Variants in CADPS observed in about 807,000 individuals in gnomAD.
The protein encoded by CADPS is calcium-dependent secretion activator 1.
Under a neutral mutation model 167.3 loss-of-function variants are expected in CADPS, and 57 were observed. That is an observed-to-expected ratio of 0.34 (90% CI 0.28 to 0.42). CADPS has a LOEUF of 0.42. Among genes scored for constraint, CADPS ranks in the 20% least tolerant of loss-of-function variants. The probability of loss-of-function intolerance (pLI) is 1.00; values close to 1 mark genes in which losing one functional copy is unlikely to be tolerated. For missense variants in CADPS, 1,414 were observed against 1,738.1 expected (o/e 0.81, Z 3.32); for synonymous variants, 676 against 635.3 (o/e 1.06, Z -0.96).
chr3:62,549,219 T>G (rs1211187398), intron 11 of CADPS, among the ~76,000 whole-genome samples: 1 of 152,224 alleles, frequency 6.6e-6, no homozygotes, highest in East Asian at 1.9e-4. Context: ...TTAATAAATA[T>G]TTCCAAACAT....
chr3:62,650,999 T>C lies in CADPS; in HGVS notation c.1051A>G (p.Met351Val). Residue 351 changes from methionine to valine, a missense_variant, in exon 5 of 30, where the codon ATG becomes GTG. Transcript: ENST00000383710. ...ACCGGCATGCTCTCCAAGTTGGCCA[T>C]GAGCAGGTTGACAGATGACTTCAGC... is the stretch of plus-strand genomic sequence containing the variant. The part of the protein sequence containing the change: ...EELKSSVNLL[M>V]ANLESMPVSK... 2 of 1,614,156 alleles carry C rather than the reference T, an allele frequency of 1.2e-6. No homozygotes were observed. Among genetic ancestry groups the C allele is most frequent in the South Asian group, 1.1e-5 (1 of 91,086 alleles).
chr3:62,688,774 G>T (rs1200395630), intron 3 of CADPS, among the ~76,000 whole-genome samples: 1 of 152,044 alleles, frequency 6.6e-6, no homozygotes, highest in Non-Finnish European at 1.5e-5. Flanking sequence ...GACACTCAGT[G>T]TCACCTTGCT....
At chr3:62,590,685 T>C (rs1286670357) in intron 7 of CADPS, among the ~76,000 whole-genome samples, 1 of 152,122 alleles carries the variant, frequency 6.6e-6, no homozygotes, top group African/African-American at 2.4e-5. Context: ...GAATTCTTGC[T>C]GGCATCGTTA....
intron 6 of CADPS, among the ~76,000 whole-genome samples, chr3:62,614,883 C>T (rs774638056): frequency 1.3e-5 from 2 of 152,120 alleles, no homozygotes; most frequent in Admixed American, 6.5e-5. Flanking sequence ...CCTCTCTTTT[C>T]TTGTCTGTAA....
At chr3:62,459,308 C>G (rs1245449802) in intron 26 of CADPS, among the ~76,000 whole-genome samples, 3 of 152,206 alleles carry the variant, frequency 2.0e-5, no homozygotes, top group East Asian at 1.9e-4. Flanking sequence ...TCTGTGACCT[C>G]GCTTAACTTC....
chr3:62,402,173 G>C lies in CADPS; in HGVS notation c.3882+908C>G, dbSNP rs368542575. On this transcript the variant is annotated intron_variant, in intron 29 of 29. Transcript: ENST00000383710. Reference sequence around the variant, plus strand: ...ACACACAACGGAACAGCAGTTGGTTGTAAGTCAGCACTGGGGTAAAGTGAA... The same window carrying C: ...ACACACAACGGAACAGCAGTTGGTTCTAAGTCAGCACTGGGGTAAAGTGAA... Among the ~76,000 whole-genome samples the C allele has an allele frequency of 6.9e-4, 91 of 132,362 alleles. 1 individual carries two copies. In the East Asian group the frequency reaches 0.021, roughly 31 times the overall value. The allele number at this position is 132,362 out of a possible 152,430, so 86.8% of individuals were successfully genotyped here. A position where few individuals can be genotyped will look rare whatever the true frequency, so the allele number is the denominator to read the frequency against.
At chr3:62,665,643 G>C (rs1278421466) in intron 3 of CADPS, among the ~76,000 whole-genome samples, 1 of 152,152 alleles carries the variant, frequency 6.6e-6, no homozygotes, top group Non-Finnish European at 1.5e-5. Context: ...GCCACCACTG[G>C]GGACAGAGAA....
intron 6 of CADPS, among the ~76,000 whole-genome samples, chr3:62,615,059 G>A (rs1463778228): frequency 6.6e-6 from 1 of 152,194 alleles, no homozygotes; most frequent in Admixed American, 6.5e-5. Context: ...ACCTCAGAGT[G>A]AGGAGAGGCT....
chr3:62,604,512 G>A (rs556590802), intron 6 of CADPS, among the ~76,000 whole-genome samples: 57 of 152,306 alleles, frequency 3.7e-4, no homozygotes, highest in African/African-American at 1.1e-3. Context: ...TTCATTGAAG[G>A]TTGACTCATA....
intron 1 of CADPS, among the ~76,000 whole-genome samples, chr3:62,867,098 T>C (rs552372469): frequency 6.6e-6 from 1 of 152,190 alleles, no homozygotes; most frequent in South Asian, 2.1e-4. Flanking sequence ...ATTTTATGAG[T>C]TCATTTTTAA....
At chr3:62,427,408 A>G (rs1004153772) in intron 28 of CADPS, among the ~76,000 whole-genome samples, 1 of 152,164 alleles carries the variant, frequency 6.6e-6, no homozygotes, top group African/African-American at 2.4e-5. Flanking sequence ...TCCATTCACT[A>G]AAGACAAATG....
At chr3:62,472,889 C>A (rs140186352) in intron 24 of CADPS, among the ~76,000 whole-genome samples, 2 of 152,228 alleles carry the variant, frequency 1.3e-5, no homozygotes, top group East Asian at 3.9e-4. Flanking sequence ...GGTTTACATA[C>A]TGAGTATCCA....
chr3:62,605,496 T>A (rs2060577268), intron 6 of CADPS, among the ~76,000 whole-genome samples: 1 of 152,212 alleles, frequency 6.6e-6, no homozygotes, highest in African/African-American at 2.4e-5. Flanking sequence ...CTTATAGGGT[T>A]TCTAATCTGC....
intron 3 of CADPS, among the ~76,000 whole-genome samples, chr3:62,698,448 C>T (rs1289524251): frequency 1.3e-5 from 2 of 152,060 alleles, no homozygotes; most frequent in Non-Finnish European, 2.9e-5. Flanking sequence ...GTAGGCAACA[C>T]TTTACACTTA....
intron 1 of CADPS, among the ~76,000 whole-genome samples, chr3:62,783,950 A>C (rs1447393440): frequency 6.6e-6 from 1 of 152,250 alleles, no homozygotes; most frequent in African/African-American, 2.4e-5. Context: ...AATGGAAAAC[A>C]AAGCAAAGCT....
At chr3:62,557,038 C>G (rs1321419289) in intron 10 of CADPS, among the ~76,000 whole-genome samples, 1 of 150,798 alleles carries the variant, frequency 6.6e-6, no homozygotes, top group Non-Finnish European at 1.5e-5. Context: ...CACACACACA[C>G]ACACACACAC....
At chr3:62,477,129 T>C (rs2061421395) in intron 23 of CADPS, among the ~76,000 whole-genome samples, 1 of 152,206 alleles carries the variant, frequency 6.6e-6, no homozygotes, top group Non-Finnish European at 1.5e-5. Context: ...TGAGATTGCA[T>C]TGTTCTTTTG....
intron 1 of CADPS, among the ~76,000 whole-genome samples, chr3:62,807,590 C>T (rs1442840763): frequency 6.6e-6 from 1 of 151,966 alleles, no homozygotes; most frequent in Admixed American, 6.6e-5. Flanking sequence ...TTCTATCCAA[C>T]ACGATAAACT....
intron 1 of CADPS, among the ~76,000 whole-genome samples, chr3:62,826,577 T>G (rs990567672): frequency 2.0e-5 from 3 of 152,174 alleles, no homozygotes; most frequent in African/African-American, 7.2e-5. Flanking sequence ...ACTTGTAACC[T>G]TGCTATTTCA....
Sources: allele counts gnomAD v4.1 joint callset (sites outside exome capture counted in the v4.1 genomes callset), GRCh38; gene constraint gnomAD v4.1.1; transcripts MANE v1.5; gene names NCBI Gene and HGNC (gene_info 2026-07-23, HGNC 2026-07-21).